The following EPB41L3 variants were observed in gnomAD, a reference collection of about 807,000 sequenced individuals.
The protein encoded by EPB41L3 is erythrocyte membrane protein band 4.1 like 3.
A neutral mutation model predicts 127.1 loss-of-function variants in EPB41L3; 57 were observed. That is an observed-to-expected ratio of 0.45 (90% CI 0.36 to 0.56). EPB41L3 has a LOEUF of 0.56. Among genes scored for constraint, EPB41L3 ranks in the 20% least tolerant of loss-of-function variants. The pLI, the probability that EPB41L3 is intolerant of heterozygous loss-of-function variation, is 0.00. For missense variants in EPB41L3, 1,273 were observed against 1,372.2 expected (o/e 0.93, Z 1.14); for synonymous variants, 572 against 549.5 (o/e 1.04, Z -0.57).
chr18:5,618,395 C>G (rs1234805458), intron 1 of EPB41L3, among the ~76,000 whole-genome samples: 2 of 152,154 alleles, frequency 1.3e-5, no homozygotes, highest in Admixed American at 6.5e-5. Flanking sequence ...AACATGCATT[C>G]CTTATGCGGG....
At chr18:5,603,053 T>C (rs1360101876) in intron 3 of EPB41L3, among the ~76,000 whole-genome samples, 1 of 152,208 alleles carries the variant, frequency 6.6e-6, no homozygotes, top group East Asian at 1.9e-4. Flanking sequence ...CACTGCCTCA[T>C]AAGCATAATT....
chr18:5,613,682 C>A (rs945228900), intron 2 of EPB41L3, among the ~76,000 whole-genome samples: 1 of 152,140 alleles, frequency 6.6e-6, no homozygotes, highest in Non-Finnish European at 1.5e-5. Flanking sequence ...GAAATTTCTA[C>A]AAGCTACATG....
intron 2 of EPB41L3, among the ~76,000 whole-genome samples, chr18:5,488,579 G>GATAATAATAATAATA (rs1358108812): frequency 0.011 from 1,642 of 148,714 alleles, 29 homozygotes; most frequent in South Asian, 0.036. Context: ...TGATGATGAT[G>GATAATAATAATAATA]ATGATAATAA....
intron 1 of EPB41L3, among the ~76,000 whole-genome samples, chr18:5,515,238 C>T (rs2092702741): frequency 6.6e-6 from 1 of 152,202 alleles, no homozygotes; most frequent in Admixed American, 6.5e-5. Context: ...CCACCATGTA[C>T]ACTGCGGGGT....
chr18:5,530,969 C>T lies in EPB41L3; in HGVS notation c.-12+12944G>A, dbSNP rs78226868. On this transcript the variant is annotated intron_variant, in intron 1 of 22. Coordinates refer to ENST00000341928, the MANE Select transcript of EPB41L3 (RefSeq NM_012307.5). ...AAGATATACTCCACTGTTAGGCAGACGGACGGAGGCACAGGCTGCAGAGCA... is the reference window on the plus strand; with the variant it reads ...AAGATATACTCCACTGTTAGGCAGATGGACGGAGGCACAGGCTGCAGAGCA... Among the ~76,000 whole-genome samples the T allele has an allele frequency of 9.3e-3, 1,415 of 152,314 alleles. 28 individuals carry two copies. The highest frequency in any genetic ancestry group is 0.033 in the African/African-American group (1,356 of 41,562).
intron 3 of EPB41L3, among the ~76,000 whole-genome samples, chr18:5,556,398 G>A (rs559326273): frequency 2.2e-4 from 33 of 152,306 alleles, no homozygotes; most frequent in Admixed American, 9.1e-4. Context: ...AGCTGCTGAC[G>A]ACACTTTATC....
chr18:5,531,990 T>C (rs2148940700), intron 1 of EPB41L3, among the ~76,000 whole-genome samples: 2 of 152,270 alleles, frequency 1.3e-5, no homozygotes, highest in Admixed American at 1.3e-4. Context: ...AAGAACTATC[T>C]GTTTAGCAGT....
intron 16 of EPB41L3, among the ~76,000 whole-genome samples, chr18:5,405,665 G>T (rs115770197): frequency 6.6e-6 from 1 of 151,988 alleles, no homozygotes; most frequent in Non-Finnish European, 1.5e-5. Flanking sequence ...GGTGGTGCCT[G>T]CTTGTAGTCC....
chr18:5,593,641 A>G (rs1010129064), intron 3 of EPB41L3, among the ~76,000 whole-genome samples: 3 of 152,138 alleles, frequency 2.0e-5, no homozygotes, highest in Admixed American at 6.5e-5. Flanking sequence ...CGGTCTGACC[A>G]AAATTTATTA....
rs543748234 is a variant in EPB41L3 at position 5,455,620 on chromosome 18, C to T, written c.382-10376G>A. Among the ~76,000 whole-genome samples, 324 of 139,374 alleles carry T rather than the reference C, an allele frequency of 2.3e-3. 1 individual carries two copies. The highest frequency in any genetic ancestry group is 7.9e-3 in the African/African-American group (307 of 38,792). 91.4% of individuals were successfully genotyped at this position (139,374 alleles called of 152,430 possible). Reference sequence around the variant, plus strand: ...GCCCATCTACCTTTCTTTAAAGGTGCTTTTTTTTTTTTAATTGGTTCCTGC... The same window carrying T: ...GCCCATCTACCTTTCTTTAAAGGTGTTTTTTTTTTTTTAATTGGTTCCTGC... On this transcript the variant is annotated intron_variant, in intron 3 of 22. Coordinates refer to ENST00000341928, the MANE Select transcript of EPB41L3 (RefSeq NM_012307.5).
chr18:5,495,596 T>G, intron 1 of EPB41L3, among the ~76,000 whole-genome samples: 1 of 146,346 alleles, frequency 6.8e-6, no homozygotes. Context: ...AAAGAACACT[T>G]GTCTGATTAA....
intron 2 of EPB41L3, among the ~76,000 whole-genome samples, chr18:5,482,057 G>A (rs750199149): frequency 1.9e-4 from 29 of 152,270 alleles, no homozygotes; most frequent in Admixed American, 2.6e-4. Flanking sequence ...ACAAGATGGC[G>A]ATTTGTGAGC....
intron 8 of EPB41L3, chr18:5,429,339 C>T (rs368561755): frequency 1.3e-5 from 2 of 152,028 alleles, no homozygotes; most frequent in Admixed American, 6.6e-5. Context: ...TCATCAGAGA[C>T]GTTGTATCAA....
rs143933766 is a variant in EPB41L3 at position 5,584,356 on chromosome 18, ATG to A, written c.-306+27982_-306+27983del. ...CAAGTGTAATCTGGAAACATTCAATATGTGTGGTGAAAGTCATATTTTGTTGC... is the reference window on the plus strand; with the variant it reads ...CAAGTGTAATCTGGAAACATTCAATATGTGGTGAAAGTCATATTTTGTTGC... On this transcript the variant is annotated intron_variant, in intron 3 of 21. Coordinates refer to the EPB41L3 transcript ENST00000545076. Among the ~76,000 whole-genome samples the A allele has an allele frequency of 6.9e-3, 1,048 of 152,262 alleles. 12 individuals carry two copies. The highest frequency in any genetic ancestry group is 0.024 in the African/African-American group (988 of 41,550).
In EPB41L3 at chr18:5,434,785, T is replaced by C. The variant is rs138716913; in HGVS notation, c.606-664A>G. Among the ~76,000 whole-genome samples the C allele has an allele frequency of 5.1e-4, 78 of 152,358 alleles. No individual in the cohort carries two copies. In the East Asian group the frequency reaches 0.014, roughly 28 times the overall value. On this transcript the variant is annotated intron_variant, in intron 6 of 22. Transcript: ENST00000341928. The stretch of plus-strand genomic sequence containing the variant: ...ACGTTACTAGTTTATGTATTCACTA[T>C]GCTATACTTTTTATCATTATTTTAG...
chr18:5,610,883 A>G (rs1785423), intron 3 of EPB41L3, among the ~76,000 whole-genome samples: 75,857 of 152,090 alleles, frequency 0.5, 20,949 homozygotes, highest in East Asian at 0.92. Flanking sequence ...AATCTTACAA[A>G]CCATGATAAT....
intron 3 of EPB41L3, among the ~76,000 whole-genome samples, chr18:5,585,685 T>G (rs892508191): frequency 5.9e-5 from 9 of 152,198 alleles, no homozygotes; most frequent in Non-Finnish European, 1.2e-4. Context: ...TCTCCTACCT[T>G]TCTTTGCTAG....
chr18:5,605,631 C>A (rs1193148764), intron 3 of EPB41L3, among the ~76,000 whole-genome samples: 1 of 151,940 alleles, frequency 6.6e-6, no homozygotes, highest in African/African-American at 2.4e-5. Context: ...TTCTATGTTG[C>A]CCAGGCTGGT....
Position 5,410,942 on chromosome 18 carries a change from T to A in EPB41L3, c.2068-323A>T, listed in dbSNP as rs528193641. On this transcript the variant is annotated intron_variant, in intron 13 of 22. Transcript: ENST00000341928. ...CCACACCCTTCCTCCAACTTTTAAC[T>A]AAAAACCTCAAGCAACATCTCCTTA... 2.0e-5 allele frequency among the ~76,000 whole-genome samples: 3 copies of A among 152,296 alleles called. No homozygotes were observed. In the South Asian group the frequency reaches 6.2e-4, roughly 32 times the overall value.
Sources: allele counts gnomAD v4.1 joint callset (sites outside exome capture counted in the v4.1 genomes callset), GRCh38; gene constraint gnomAD v4.1.1; transcripts MANE v1.5; gene names NCBI Gene and HGNC (gene_info 2026-07-23, HGNC 2026-07-21).